The following SLC8A2 variants were observed in gnomAD, a reference collection of about 807,000 sequenced individuals.
SLC8A2 encodes solute carrier family 8 member A2.
Under a neutral mutation model 70.2 loss-of-function variants are expected in SLC8A2, and 14 were observed. The ratio of observed to expected loss-of-function variants is 0.20; its 90% confidence interval spans 0.13 to 0.31. The LOEUF (loss-of-function observed/expected upper bound fraction) is 0.31. SLC8A2 is among the 10% of genes least tolerant of loss of function. The pLI is 1.00. For synonymous variants in SLC8A2, 575 were observed against 594.3 expected (o/e 0.97, Z 0.47); for missense variants, 779 against 1,320.1 (o/e 0.59, Z 6.35).
Position 47,457,036 on chromosome 19 carries a change from C to G in SLC8A2, c.1234G>C (p.Val412Leu), listed in dbSNP as rs1173914240. Residue 412 changes from valine to leucine, a missense_variant, in exon 3 of 10, where the codon GTG becomes CTG. Val to Leu is a conservative substitution (Grantham distance 32, BLOSUM62 1). Transcript: ENST00000236877. ...LYHCLENCGS[V>L]LLSVTCQGGE... ...CCCTGGCACGTGACGGACAGCAGCA[C>G]GGAGCCGCAGTTCTCCAGGCAGTGG... 4 of 1,609,510 alleles carry G rather than the reference C, an allele frequency of 2.5e-6. No homozygotes were observed. Among genetic ancestry groups the G allele is most frequent in the Admixed American group, 3.4e-5 (2 of 59,308 alleles).
Position 47,430,215 on chromosome 19 carries a change from G to A in SLC8A2, c.2640C>T (p.His880=), listed in dbSNP as rs1459655543. The A allele has an allele frequency of 1.2e-6, 2 of 1,608,132 alleles. No individual in the cohort carries two copies. The highest frequency in any genetic ancestry group is 3.4e-5 in the Admixed American group (2 of 59,374). The part of the protein sequence containing the change: ...IAVLLYRRRP[H]IGGELGGPRG... ...GCGGGCCGCCCAGCTCGCCGCCGAT[G>A]TGCGGCCGGCGCCGGTACAGCAGCA... The change falls in exon 10 of 10, where the codon CAC becomes CAT. Residue 880 remains histidine, a synonymous_variant. Transcript: ENST00000236877. This position sits in a 1 kb window ranked among gnomAD's most constrained non-coding sequence, Gnocchi z 5.9.
chr19:47,441,904 C>A (rs970065448), intron 4 of SLC8A2, among the ~76,000 whole-genome samples: 1 of 152,160 alleles, frequency 6.6e-6, no homozygotes, highest in East Asian at 1.9e-4. Context: ...GAGATTGAGA[C>A]CATCCTGTCC....
At position 47,430,569 on chromosome 19, in the gene SLC8A2, C is replaced by A. The variant is rs1204799779; in HGVS notation, c.2390-104G>T. The A allele has an allele frequency of 7.7e-7, 1 of 1,296,762 alleles. No individual in the cohort carries two copies. Among genetic ancestry groups the A allele is most frequent in the East Asian group, 2.5e-5 (1 of 39,242 alleles). The allele number at this position is 1,296,762 out of a possible 1,614,324, so 80.3% of individuals were successfully genotyped here. A position where few individuals can be genotyped will look rare whatever the true frequency, so the allele number is the denominator to read the frequency against. ...GCCTTTCCCGGTCGCCTGCTTTCTG[C>A]GGGCAGTGTGGGCTCAAGACCCCTG... On this transcript the variant is annotated intron_variant, in intron 9 of 9. Transcript: ENST00000236877. This position sits in a 1 kb window ranked among gnomAD's most constrained non-coding sequence, Gnocchi z 5.9.
chr19:47,447,983 C>T lies in SLC8A2; in HGVS notation c.1589G>A (p.Arg530His). The change falls in exon 4 of 10, where the codon CGC (arginine) becomes CAC (histidine). Residue 530 changes from arginine (R) to histidine (H), a missense_variant. By Grantham distance (29) the Arg-to-His change is conservative. Around this residue, in one of 6 missense-constraint regions of SLC8A2, gnomAD observed 247 missense variants for 362.8 expected, o/e 0.68. Transcript: ENST00000236877. This position sits in a 1 kb window ranked among gnomAD's most constrained non-coding sequence, Gnocchi z 5.1. The part of the protein sequence containing the change: ...DHAGIFSFQD[R>H]LLHVSECMGT... ...CATGCACTCGCTCACGTGCAGCAGGCGGTCCTGGAAGGAGAAGATGCCTGC... is the reference window on the plus strand; with the variant it reads ...CATGCACTCGCTCACGTGCAGCAGGTGGTCCTGGAAGGAGAAGATGCCTGC... 6 of 1,561,010 alleles carry T rather than the reference C, an allele frequency of 3.8e-6. No homozygotes were observed. The highest frequency in any genetic ancestry group is 4.3e-6 in the Non-Finnish European group (5 of 1,152,474).
chr19:47,440,321 C>T (rs1295772328), intron 6 of SLC8A2, among the ~76,000 whole-genome samples: 2 of 152,190 alleles, frequency 1.3e-5, no homozygotes, highest in Non-Finnish European at 2.9e-5. Flanking sequence ...GTCCTAACCC[C>T]GATCTCCAAT....
chr19:47,450,797 T>C (rs1967224941), intron 3 of SLC8A2, among the ~76,000 whole-genome samples: 2 of 152,098 alleles, frequency 1.3e-5, no homozygotes, highest in Admixed American at 1.3e-4. Context: ...CTTGGTTTCC[T>C]TATCTGTGGA....
chr19:47,444,507 T>C (rs748535215), intron 4 of SLC8A2, among the ~76,000 whole-genome samples: 14 of 152,236 alleles, frequency 9.2e-5, no homozygotes, highest in South Asian at 4.1e-4. Context: ...GGTGCTGAAA[T>C]GCTGGGGCCG....
At chr19:47,441,045 C>A in intron 6 of SLC8A2, 124 bp downstream of exon 6, 1 of 869,824 alleles carries the variant, frequency 1.1e-6, no homozygotes, top group Non-Finnish European at 1.9e-6. Flanking sequence ...CTGAATCTGC[C>A]TTTATCTCAC....
intron 3 of SLC8A2, among the ~76,000 whole-genome samples, 159 bp downstream of exon 3, chr19:47,456,771 G>T (rs1164262137): frequency 1.3e-5 from 2 of 152,200 alleles, no homozygotes; most frequent in African/African-American, 2.4e-5. Context: ...CTAGAGCAGC[G>T]CCTGGCACAA....
chr19:47,435,828 G>A (rs1335454444), intron 8 of SLC8A2, among the ~76,000 whole-genome samples: 2 of 152,022 alleles, frequency 1.3e-5, no homozygotes, highest in African/African-American at 2.4e-5. Context: ...GATTACAGGC[G>A]TGAGCCACCG....
chr19:47,437,595 C>T, intron 7 of SLC8A2, 34 bp from the exon 8 acceptor site: 3 of 1,526,540 alleles, frequency 2.0e-6, no homozygotes, highest in Non-Finnish European at 2.7e-6. Context: ...AGGTCACTGC[C>T]CCTGAGCGAA....
chr19:47,444,767 T>C (rs1967140290), intron 4 of SLC8A2, among the ~76,000 whole-genome samples: 1 of 152,194 alleles, frequency 6.6e-6, no homozygotes, highest in Non-Finnish European at 1.5e-5. Context: ...CAAGAGGGAC[T>C]CGAGCTAGAC....
intron 4 of SLC8A2, among the ~76,000 whole-genome samples, chr19:47,445,595 G>A (rs922579542): frequency 3.9e-5 from 6 of 152,084 alleles, no homozygotes; most frequent in Admixed American, 1.3e-4. Flanking sequence ...GCTTCAAAGC[G>A]CCTCTAATTA....
In SLC8A2 at chr19:47,462,112, G is replaced by A. The variant is rs531998496; in HGVS notation, c.675+3617C>T. Among the ~76,000 whole-genome samples the A allele has an allele frequency of 8.2e-4, 125 of 151,918 alleles. 3 individuals carry two copies. In the South Asian group the frequency reaches 0.024, roughly 29 times the overall value. ...GAACCTGCCACTAACATTCTTATCC[G>A]CACGGGACAGTCCCACACAATGCAG... On this transcript the variant is annotated intron_variant, in intron 2 of 9. Coordinates refer to ENST00000236877, the MANE Select transcript of SLC8A2 (RefSeq NM_015063.3).
intron 7 of SLC8A2, 143 bp downstream of exon 7, chr19:47,437,706 G>C: frequency 8.5e-7 from 1 of 1,177,624 alleles, no homozygotes; most frequent in Admixed American, 1.8e-5. Flanking sequence ...GCAAGGAAAA[G>C]GGAGGCATGT....
intron 2 of SLC8A2, among the ~76,000 whole-genome samples, chr19:47,459,441 T>A (rs1175027476): frequency 6.6e-6 from 1 of 152,096 alleles, no homozygotes; most frequent in Admixed American, 6.6e-5. Flanking sequence ...TTTCTCTTTC[T>A]CAGTATCTGT....
At chr19:47,434,663 T>C (rs1967003760) in intron 8 of SLC8A2, among the ~76,000 whole-genome samples, 1 of 152,040 alleles carries the variant, frequency 6.6e-6, no homozygotes, top group South Asian at 2.1e-4. Context: ...ACAAGGAGCT[T>C]ACAGTAGGAA....
rs557452351 is a variant in SLC8A2, at chr19:47,441,449, G to T, written c.1764-9C>A. 12 of 1,564,154 alleles carry T rather than the reference G, an allele frequency of 7.7e-6. No individual in the cohort carries two copies. Among genetic ancestry groups the T allele is most frequent in the Non-Finnish European group, 1.1e-5 (12 of 1,137,642 alleles). On this transcript the variant is annotated splice_polypyrimidine_tract_variant and intron_variant, in intron 4 of 9. Transcript: ENST00000236877. ...TCACCTGAAGAGTTTTCCTGTGCAG[G>T]GGGTAAGGGGGAGGCAGAACACTCA...
At position 47,457,144 on chromosome 19, in the gene SLC8A2, A is replaced by G; in HGVS notation, c.1126T>C (p.Ser376Pro). Residue 376 changes from serine (S) to proline (P), a missense_variant, in exon 3 of 10, where the codon TCG (serine) becomes CCG (proline). This residue lies in a region of SLC8A2 where 186 missense variants were observed against 246.6 expected (regional missense o/e 0.75). Transcript: ENST00000236877. ...NVLRRHAADASRRAAPAEGAG... is the reference protein window; with the variant it reads ...NVLRRHAADAPRRAAPAEGAG... ...CCCTCGGCCGGCGCCGCCCTGCGCG[A>G]GGCGTCCGCCGCGTGTCTGCGCAGC... 1.3e-6 allele frequency: 2 copies of G among 1,542,214 alleles called. No individual in the cohort carries two copies. Among genetic ancestry groups the G allele is most frequent in the South Asian group, 1.2e-5 (1 of 83,268 alleles).
Sources: gnomAD v4.1 joint callset for allele counts (sites outside exome capture counted in the v4.1 genomes callset) on GRCh38, gnomAD v4.1.1 for gene constraint, gnomAD v4.1.1 regional missense constraint, Gnocchi (gnomAD v3.1) non-coding constraint, MANE v1.5 for transcripts, NCBI Gene and HGNC (gene_info 2026-07-23, HGNC 2026-07-21) for gene names.